The following ARL5A variants were observed in gnomAD, a reference collection of about 807,000 sequenced individuals.
ARL5A encodes the protein ADP-ribosylation factor-like protein 5A.
ARL5A carries 18 observed loss-of-function variants against 25.9 expected under a neutral mutation model. The observed-to-expected ratio is 0.69, with a 90% CI of 0.48 to 1.03. The LOEUF (loss-of-function observed/expected upper bound fraction) is 1.03. Ranked by LOEUF, ARL5A falls within the 50% of genes least tolerant of loss-of-function variation. The pLI is 0.00. For synonymous variants in ARL5A, 61 were observed against 67.5 expected (o/e 0.90, Z 0.47); for missense variants, 170 against 211.9 (o/e 0.80, Z 1.23).
chr2:151,804,534 G>A (rs72866484), intron 5 of ARL5A, among the ~76,000 whole-genome samples: 4,782 of 152,102 alleles, frequency 0.031, 159 homozygotes, highest in African/African-American at 0.085. Flanking sequence ...TGGTTGTTTT[G>A]GGGTGGTTGT....
chr2:151,799,794 T>C lies in ARL5A; in HGVS notation c.*3482A>G, dbSNP rs1415105497. ...ATAGCAAGGAACTAGAAAAGCTACA[T>C]AGAAACCACTGGTTTGGAAACCATT... On this transcript the variant is annotated 3_prime_UTR_variant, in exon 6 of 6. Coordinates refer to ENST00000295087, the MANE Select transcript of ARL5A (RefSeq NM_012097.4). 2.6e-5 allele frequency: 4 copies of C among 152,158 alleles called. No individual in the cohort carries two copies. The highest frequency in any genetic ancestry group is 5.9e-5 in the Non-Finnish European group (4 of 68,024). 9.4% of individuals were successfully genotyped at this position (152,158 alleles called of 1,614,324 possible). A position where few individuals can be genotyped will look rare whatever the true frequency, so the allele number is the denominator to read the frequency against.
Position 151,799,292 on chromosome 2 carries a change from T to C in ARL5A, c.*3984A>G, listed in dbSNP as rs1243138741. On this transcript the variant is annotated 3_prime_UTR_variant, in exon 6 of 6. Coordinates refer to ENST00000295087, the MANE Select transcript of ARL5A (RefSeq NM_012097.4). ...TTTCAACAGGTTTATTTTTTAAGGATAGGCTTTTCATTACTAACTCCTTTA... is the reference window on the plus strand; with the variant it reads ...TTTCAACAGGTTTATTTTTTAAGGACAGGCTTTTCATTACTAACTCCTTTA... 6.6e-6 allele frequency: 1 copy of C among 152,242 alleles called. No homozygotes were observed. Among genetic ancestry groups the C allele is most frequent in the Non-Finnish European group, 1.5e-5 (1 of 68,042 alleles). The allele number at this position is 152,242 out of a possible 1,614,324, so 9.4% of individuals were successfully genotyped here. A position where few individuals can be genotyped will look rare whatever the true frequency, so the allele number is the denominator to read the frequency against.
intron 5 of ARL5A, among the ~76,000 whole-genome samples, chr2:151,805,949 C>T (rs1279828782): frequency 6.6e-6 from 1 of 151,968 alleles, no homozygotes; most frequent in African/African-American, 2.4e-5. Flanking sequence ...TTTTATCTTT[C>T]CTTCCTCTTC....
At chr2:151,816,784 C>T (rs1193897625) in intron 1 of ARL5A, among the ~76,000 whole-genome samples, 1 of 152,202 alleles carries the variant, frequency 6.6e-6, no homozygotes, top group Non-Finnish European at 1.5e-5. Context: ...TCTAGTACAA[C>T]ACTCTCAAGA....
chr2:151,820,686 CAG>C (rs2099832186), intron 1 of ARL5A, among the ~76,000 whole-genome samples: 1 of 53,876 alleles, frequency 1.9e-5, no homozygotes, highest in Non-Finnish European at 4.1e-5. Context: ...AAAAAAAAAA[CAG>C]AATCCATATG....
In ARL5A at chr2:151,798,920, C is replaced by A. The variant is rs1459359643; in HGVS notation, c.*4356G>T. ...AAAGAACAGGATATCTAGCAAGCAA[C>A]AGCATAAAGATTTAAACTTTAGTTT... On this transcript the variant is annotated 3_prime_UTR_variant, in exon 6 of 6. Coordinates refer to ENST00000295087, the MANE Select transcript of ARL5A (RefSeq NM_012097.4). The A allele has an allele frequency of 1.3e-5, 2 of 152,056 alleles. No homozygotes were observed. Among genetic ancestry groups the A allele is most frequent in the Admixed American group, 1.3e-4 (2 of 15,274 alleles). 9.4% of individuals were successfully genotyped at this position (152,056 alleles called of 1,614,324 possible). A position where few individuals can be genotyped will look rare whatever the true frequency, so the allele number is the denominator to read the frequency against.
At chr2:151,815,084 C>T (rs1339590879) in intron 2 of ARL5A, 55 bp downstream of exon 2, 9 of 1,363,316 alleles carry the variant, frequency 6.6e-6, no homozygotes, top group Admixed American at 1.9e-5. Flanking sequence ...CGACTATCAC[C>T]CAGGCCAAAA....
At chr2:151,805,889 T>C (rs1313300864) in intron 5 of ARL5A, among the ~76,000 whole-genome samples, 2 of 152,168 alleles carry the variant, frequency 1.3e-5, no homozygotes, top group African/African-American at 4.8e-5. Flanking sequence ...AAAATTGTAC[T>C]TTAGTTTGGT....
intron 1 of ARL5A, among the ~76,000 whole-genome samples, chr2:151,826,863 T>G (rs1006064763): frequency 6.6e-6 from 1 of 152,236 alleles, no homozygotes; most frequent in Non-Finnish European, 1.5e-5. Context: ...CTCTACTTTA[T>G]GAAAAATCCT....
chr2:151,809,233 G>A (rs2099830500), intron 4 of ARL5A, among the ~76,000 whole-genome samples: 1 of 152,128 alleles, frequency 6.6e-6, no homozygotes, highest in Non-Finnish European at 1.5e-5. Context: ...ACAACCTTCT[G>A]ACAAATACTT....
rs1163181701 is a variant in ARL5A, at chr2:151,814,402, ACCT to A, written c.108-89_108-87del. On this transcript the variant is annotated intron_variant, in intron 2 of 5. Transcript: ENST00000295087. ...TTTTAATCAAGGACAAATCAGCATG[ACCT>A]CCTTTTATAATTTATACCTAAATAT... 33 of 1,029,380 alleles carry A rather than the reference ACCT, an allele frequency of 3.2e-5. No homozygotes were observed. The South Asian group carries it at 5.2e-4, about 16-fold the overall frequency. The allele number at this position is 1,029,380 out of a possible 1,614,324, so 63.8% of individuals were successfully genotyped here.
chr2:151,808,581 C>G (rs572871616), intron 4 of ARL5A, among the ~76,000 whole-genome samples: 100 of 152,290 alleles, frequency 6.6e-4, no homozygotes, highest in African/African-American at 2.3e-3. Context: ...AGGAATACTG[C>G]TACAATGTTT....
chr2:151,807,095 T>G, intron 4 of ARL5A, 123 bp from the exon 5 acceptor site: 2 of 829,140 alleles, frequency 2.4e-6, no homozygotes, highest in South Asian at 3.7e-5. Context: ...CATAAAAGCA[T>G]CTCAGTGCCT....
intron 1 of ARL5A, among the ~76,000 whole-genome samples, chr2:151,820,673 A>AAC (rs2099832170): frequency 6.6e-6 from 1 of 150,624 alleles, no homozygotes; most frequent in Non-Finnish European, 1.5e-5. Context: ...AAAAAAAAAA[A>AAC]AAAAAAAAAA....
intron 1 of ARL5A, among the ~76,000 whole-genome samples, chr2:151,816,513 C>T (rs2151295197): frequency 6.6e-6 from 1 of 152,236 alleles, no homozygotes; most frequent in East Asian, 1.9e-4. Context: ...AAACAGATAA[C>T]TGAAGGAGAT....
Position 151,802,734 on chromosome 2 carries a change from G to C in ARL5A, c.*542C>G, listed in dbSNP as rs560381883. 1 of 152,634 alleles carries C rather than the reference G, an allele frequency of 6.6e-6. No individual in the cohort carries two copies. Among genetic ancestry groups the C allele is most frequent in the Admixed American group, 6.6e-5 (1 of 15,266 alleles). 9.5% of individuals were successfully genotyped at this position (152,634 alleles called of 1,614,324 possible). A position where few individuals can be genotyped will look rare whatever the true frequency, so the allele number is the denominator to read the frequency against. ...ATACTTATCTCATTGTGGTTATAAC[G>C]AAGGATATTATTATTTGTGTTATTT... On this transcript the variant is annotated 3_prime_UTR_variant, in exon 6 of 6. Transcript: ENST00000295087.
chr2:151,824,503 T>TAATAATAATAATAAC (rs534560146), intron 1 of ARL5A, among the ~76,000 whole-genome samples: 6 of 151,960 alleles, frequency 3.9e-5, no homozygotes, highest in Admixed American at 1.3e-4. Context: ...ATAATAATAA[T>TAATAATAATAATAAC]AACAACAATA....
chr2:151,807,832 C>T lies in ARL5A; in HGVS notation c.340-860G>A, dbSNP rs896568989. 3.9e-5 allele frequency among the ~76,000 whole-genome samples: 6 copies of T among 152,266 alleles called. No homozygotes were observed. In the East Asian group the frequency reaches 9.7e-4, roughly 25 times the overall value. ...GTTCTTTAAGCTTTCTGAATTTGTTCCTCATATCTTTTACTGAGTATCTGA... is the reference window on the plus strand; with the variant it reads ...GTTCTTTAAGCTTTCTGAATTTGTTTCTCATATCTTTTACTGAGTATCTGA... On this transcript the variant is annotated intron_variant, in intron 4 of 5. Coordinates refer to ENST00000295087, the MANE Select transcript of ARL5A (RefSeq NM_012097.4).
In ARL5A at chr2:151,828,219, T is replaced by A; in HGVS notation, c.-43A>T. 6.3e-7 allele frequency: 1 copy of A among 1,589,176 alleles called. No individual in the cohort carries two copies. Among genetic ancestry groups the A allele is most frequent in the Non-Finnish European group, 8.6e-7 (1 of 1,162,142 alleles). On this transcript the variant is annotated 5_prime_UTR_variant, in exon 1 of 6. Transcript: ENST00000295087. Reference sequence around the variant, plus strand: ...CCCCCCTCCAGACACCCGGGCCGCCTGGCTTCCCCCGGCTCAGGCTGAGGG... The same window carrying A: ...CCCCCCTCCAGACACCCGGGCCGCCAGGCTTCCCCCGGCTCAGGCTGAGGG...
Sources: allele counts gnomAD v4.1 joint callset (sites outside exome capture counted in the v4.1 genomes callset), GRCh38; gene constraint gnomAD v4.1.1; transcripts MANE v1.5; gene names NCBI Gene and HGNC (gene_info 2026-07-23, HGNC 2026-07-21).